DNAH7: variants seen among roughly 807,000 people sequenced by gnomAD.
DNAH7 encodes dynein axonemal heavy chain 7, also known as axonemal beta dynein heavy chain 7.
Under a neutral mutation model 444.6 loss-of-function variants are expected in DNAH7, and 397 were observed. That is an observed-to-expected ratio of 0.89 (90% CI 0.82 to 0.97). DNAH7 has a LOEUF of 0.97. DNAH7 is among the 50% of genes least tolerant of loss of function. The pLI, the probability that DNAH7 is intolerant of heterozygous loss-of-function variation, is 0.00. For missense variants in DNAH7, 4,902 were observed against 4,800.8 expected (o/e 1.02, Z -0.62); for synonymous variants, 1,636 against 1,624.4 (o/e 1.01, Z -0.17).
chr2:195,890,018 C>A (rs536987204), intron 31 of DNAH7, among the ~76,000 whole-genome samples: 1 of 152,308 alleles, frequency 6.6e-6, no homozygotes, highest in East Asian at 1.9e-4. Context: ...CTTTTCAGAT[C>A]CTTATAATTC....
At chr2:195,866,935 G>A (rs1700376411) in intron 40 of DNAH7, among the ~76,000 whole-genome samples, 1 of 152,082 alleles carries the variant, frequency 6.6e-6, no homozygotes, top group African/African-American at 2.4e-5. Context: ...TTTAAAAAGG[G>A]GAGTTTCCCT....
intron 24 of DNAH7, among the ~76,000 whole-genome samples, chr2:195,916,058 A>G (rs563477431): frequency 6.6e-6 from 1 of 152,358 alleles, no homozygotes; most frequent in East Asian, 1.9e-4. Flanking sequence ...AGCAAGGGCA[A>G]TTTTATGGAG....
At chr2:195,902,883 A>G (rs1686793130) in intron 27 of DNAH7, 1 of 152,196 alleles carries the variant, frequency 6.6e-6, no homozygotes, top group South Asian at 2.1e-4. Flanking sequence ...ATATAATGTT[A>G]TAATGTGGTT....
chr2:195,757,973 G>A (rs574212013), intron 61 of DNAH7, among the ~76,000 whole-genome samples: 1 of 152,306 alleles, frequency 6.6e-6, no homozygotes, highest in African/African-American at 2.4e-5. Flanking sequence ...GGCCCCGTTA[G>A]GGCCAAAGTT....
chr2:196,038,665 C>T (rs918384186), intron 5 of DNAH7, among the ~76,000 whole-genome samples: 4 of 151,980 alleles, frequency 2.6e-5, no homozygotes, highest in South Asian at 2.1e-4. Flanking sequence ...GAACCAAAAA[C>T]AGGTTTAGAA....
At chr2:196,064,645 T>C (rs1698322504) in intron 1 of DNAH7, among the ~76,000 whole-genome samples, 1 of 152,218 alleles carries the variant, frequency 6.6e-6, no homozygotes, top group South Asian at 2.1e-4. Flanking sequence ...TCAAACAATC[T>C]AAGATATTGT....
At position 195,857,622 on chromosome 2, in the gene DNAH7, A is replaced by G. The variant is rs1311799049; in HGVS notation, c.8169T>C (p.Pro2723=). Residue 2723 remains proline (P), a synonymous_variant, in exon 44 of 65, where the codon CCT becomes CCC. Transcript: ENST00000312428. ...TTTTTTTCCCTGAACCTGTTGGGTCAGGGATTTTGTCAGCTTTGATTCCTT... is the reference window on the plus strand; with the variant it reads ...TTTTTTTCCCTGAACCTGTTGGGTCGGGGATTTTGTCAGCTTTGATTCCTT... The part of the protein sequence containing the change: ...ILKGIKADKI[P]DPTGSGKKIE... 2 of 1,614,004 alleles carry G rather than the reference A, an allele frequency of 1.2e-6. No homozygotes were observed. Among genetic ancestry groups the G allele is most frequent in the Non-Finnish European group, 8.5e-7 (1 of 1,179,936 alleles).
At chr2:195,766,166 A>AATTTTTTTTTTTT in intron 61 of DNAH7, among the ~76,000 whole-genome samples, 1 of 67,062 alleles carries the variant, frequency 1.5e-5, no homozygotes, top group Non-Finnish European at 3.7e-5. Flanking sequence ...TGTGGGAGCT[A>AATTTTTTTTTTTT]ATTTTTTTTT....
intron 54 of DNAH7, among the ~76,000 whole-genome samples, chr2:195,801,287 CT>C (rs1696440020): frequency 6.6e-6 from 1 of 151,564 alleles, no homozygotes; most frequent in East Asian, 1.9e-4. Context: ...TTTTCCTGCT[CT>C]GAAATATATA....
intron 21 of DNAH7, among the ~76,000 whole-genome samples, chr2:195,933,849 T>G (rs976520027): frequency 1.3e-5 from 2 of 151,794 alleles, no homozygotes; most frequent in Non-Finnish European, 2.9e-5. Context: ...TGTATACAAA[T>G]GTAACAAACC....
intron 21 of DNAH7, among the ~76,000 whole-genome samples, chr2:195,932,186 T>C (rs928607310): frequency 7.9e-5 from 12 of 152,240 alleles, no homozygotes; most frequent in Admixed American, 3.9e-4. Flanking sequence ...TTTGAAGCAA[T>C]TGTGAATGGG....
At chr2:195,842,453 G>C (rs894899335) in intron 47 of DNAH7, among the ~76,000 whole-genome samples, 3 of 152,034 alleles carry the variant, frequency 2.0e-5, no homozygotes, top group Non-Finnish European at 2.9e-5. Flanking sequence ...AGAGTTTCTG[G>C]GGAATGGAAG....
intron 12 of DNAH7, among the ~76,000 whole-genome samples, chr2:195,990,933 T>TTAAATATATATACATATATA (rs1693287034): frequency 6.9e-6 from 1 of 145,528 alleles, no homozygotes; most frequent in African/African-American, 2.5e-5. Flanking sequence ...ATATATATAC[T>TTAAATATATATACATATATA]TAAATATATA....
intron 61 of DNAH7, among the ~76,000 whole-genome samples, chr2:195,769,633 C>T (rs922873351): frequency 1.3e-5 from 2 of 151,984 alleles, no homozygotes; most frequent in Non-Finnish European, 2.9e-5. Context: ...CCACTATCTC[C>T]TCTCACGGCT....
intron 46 of DNAH7, among the ~76,000 whole-genome samples, chr2:195,846,949 A>ATGTGTGTGTGTGTG (rs35075325): frequency 0.047 from 6,422 of 137,080 alleles, 214 homozygotes; most frequent in African/African-American, 0.076. Flanking sequence ...ACTCCCATAT[A>ATGTGTGTGTGTGTG]TGTGTGTGTG....
intron 46 of DNAH7, among the ~76,000 whole-genome samples, chr2:195,846,027 G>C (rs537292159): frequency 2.6e-5 from 4 of 152,288 alleles, no homozygotes; most frequent in African/African-American, 9.6e-5. Flanking sequence ...TTAAACTAAA[G>C]AGCTTATTCA....
rs955528166 is a variant in DNAH7 at position 195,803,138 on chromosome 2, T to A, written c.10176+3602A>T. ...GCTGGTCTTTTCTCGATAGATTTTT[T>A]AAAAATTAACAAAAAAACCCCACTT... On this transcript the variant is annotated intron_variant, in intron 54 of 64. Transcript: ENST00000312428. 4.6e-5 allele frequency among the ~76,000 whole-genome samples: 7 copies of A among 152,376 alleles called. No homozygotes were observed. In the East Asian group the frequency reaches 5.8e-4, roughly 13 times the overall value.
intron 47 of DNAH7, among the ~76,000 whole-genome samples, chr2:195,839,374 T>C (rs1236254793): frequency 2.0e-5 from 3 of 151,934 alleles, no homozygotes; most frequent in Non-Finnish European, 4.4e-5. Context: ...GCTAAAGCAA[T>C]ACTTAATGTG....
intron 15 of DNAH7, 76 bp from the exon 16 acceptor site, chr2:195,972,542 G>T: frequency 9.3e-7 from 1 of 1,072,130 alleles, no homozygotes; most frequent in Non-Finnish European, 1.4e-6. Context: ...GAAATACACT[G>T]TATAACTATG....
Sources: gnomAD v4.1 joint callset for allele counts (sites outside exome capture counted in the v4.1 genomes callset) on GRCh38, gnomAD v4.1.1 for gene constraint, MANE v1.5 for transcripts, NCBI Gene and HGNC (gene_info 2026-07-23, HGNC 2026-07-21) for gene names.